The following UBE4B variants were observed in gnomAD, a reference collection of about 807,000 sequenced individuals.
The protein encoded by UBE4B is ubiquitination factor E4B, also known as ubiquitin conjugation factor E4 B.
UBE4B carries 27 observed loss-of-function variants against 148.1 expected under a neutral mutation model. The observed-to-expected ratio is 0.18, with a 90% CI of 0.13 to 0.25. The LOEUF is 0.25. Ranked by LOEUF, UBE4B falls within the 10% of genes least tolerant of loss-of-function variation. The pLI, the probability that UBE4B is intolerant of heterozygous loss-of-function variation, is 1.00. For synonymous variants in UBE4B, 596 were observed against 619.3 expected (o/e 0.96, Z 0.56); for missense variants, 1,170 against 1,662.4 (o/e 0.70, Z 5.15).
intron 23 of UBE4B, among the ~76,000 whole-genome samples, chr1:10,167,866 C>T (rs1026691674): frequency 6.6e-6 from 1 of 152,060 alleles, no homozygotes; most frequent in Non-Finnish European, 1.5e-5. Flanking sequence ...TGGGATTACA[C>T]GCGTGAGCCA....
Position 10,178,640 on chromosome 1 carries a change from G to T in UBE4B, c.3526-4G>T. 1 of 1,598,570 alleles carries T rather than the reference G, an allele frequency of 6.3e-7. No individual in the cohort carries two copies. Among genetic ancestry groups the T allele is most frequent in the South Asian group, 1.1e-5 (1 of 89,090 alleles). The stretch of plus-strand genomic sequence containing the variant: ...CGTCTCACATTGCCATTCCTCCTTT[G>T]CAGAGATCCTACAGTAAGGAATTGT... On this transcript the variant is annotated splice_region_variant and splice_polypyrimidine_tract_variant and intron_variant, in intron 25 of 27. Transcript: ENST00000343090.
At chr1:10,094,670 G>A (rs568946831) in intron 2 of UBE4B, among the ~76,000 whole-genome samples, 14 of 152,082 alleles carry the variant, frequency 9.2e-5, no homozygotes, top group Admixed American at 7.9e-4. Context: ...TCCTGACCTT[G>A]TGATTCACCC....
Position 10,134,955 on chromosome 1 carries a change from T to G in UBE4B, c.2026-33T>G, listed in dbSNP as rs765808591. On this transcript the variant is annotated intron_variant, in intron 15 of 27. Coordinates refer to ENST00000343090, the MANE Select transcript of UBE4B (RefSeq NM_001105562.3). ...ATCTCAAAAAAAATTTTTTTTAATG[T>G]TTAAAAATACTTTTTCTTTTCAACT... 9 of 1,601,974 alleles carry G rather than the reference T, an allele frequency of 5.6e-6. No homozygotes were observed. In the African/African-American group the frequency reaches 1.2e-4, roughly 22 times the overall value.
intron 20 of UBE4B, among the ~76,000 whole-genome samples, chr1:10,149,976 A>T (rs1203336575): frequency 6.6e-6 from 1 of 152,194 alleles, no homozygotes; most frequent in African/African-American, 2.4e-5. Context: ...GCATCTCTTT[A>T]AAAAATAAAT....
chr1:10,058,815 T>G (rs557475062), intron 1 of UBE4B: 2 of 152,436 alleles, frequency 1.3e-5, no homozygotes, highest in East Asian at 3.9e-4. Flanking sequence ...GCCGACCCCC[T>G]GGACAGTATT....
At chr1:10,143,248 A>G (rs1316454669) in intron 17 of UBE4B, among the ~76,000 whole-genome samples, 15 of 152,200 alleles carry the variant, frequency 9.9e-5, no homozygotes, top group Admixed American at 9.8e-4. Context: ...TACTAAAAAT[A>G]TAAGTTAGCC....
At chr1:10,072,755 G>T (rs758631499) in intron 2 of UBE4B, 1 of 358,422 alleles carries the variant, frequency 2.8e-6, no homozygotes, top group East Asian at 4.6e-5. Flanking sequence ...GACTGTCTTT[G>T]TTGGGAAATG....
intron 2 of UBE4B, among the ~76,000 whole-genome samples, chr1:10,088,431 C>T (rs539626049): frequency 1.9e-4 from 29 of 151,518 alleles, no homozygotes; most frequent in Admixed American, 1.8e-3. Context: ...CCCAGGCTGG[C>T]GTGCAGTGGC....
intron 26 of UBE4B, 66 bp from the exon 27 acceptor site, chr1:10,179,350 G>T (rs1646472847): frequency 1.3e-6 from 2 of 1,577,820 alleles, no homozygotes; most frequent in Non-Finnish European, 1.7e-6. Flanking sequence ...GGTAGAACGG[G>T]CTTTGTTTTC....
At chr1:10,156,234 CTTTTCTTTT>C (rs1166475119) in intron 21 of UBE4B, among the ~76,000 whole-genome samples, 3 of 132,326 alleles carry the variant, frequency 2.3e-5, no homozygotes, top group African/African-American at 9.7e-5. Context: ...GTTTCATTTT[CTTTTCTTTT>C]TTTTTTTTTT....
At chr1:10,036,082 CTTTTT>C (rs112866835) in intron 1 of UBE4B, among the ~76,000 whole-genome samples, 2 of 136,444 alleles carry the variant, frequency 1.5e-5, no homozygotes, top group Admixed American at 7.4e-5. Context: ...CTATAAATTA[CTTTTT>C]TTTTTTTTTT....
chr1:10,140,752 A>G (rs981950020), intron 17 of UBE4B, among the ~76,000 whole-genome samples: 2 of 152,190 alleles, frequency 1.3e-5, no homozygotes, highest in Non-Finnish European at 2.9e-5. Flanking sequence ...TTTAAGAAGT[A>G]TCTTCTAGGA....
intron 1 of UBE4B, among the ~76,000 whole-genome samples, chr1:10,061,138 G>A (rs1392307884): frequency 1.3e-5 from 2 of 152,096 alleles, no homozygotes; most frequent in African/African-American, 4.8e-5. Context: ...CAAACCTACG[G>A]CATACTTACT....
At chr1:10,049,309 G>T (rs538610643) in intron 1 of UBE4B, among the ~76,000 whole-genome samples, 1 of 152,146 alleles carries the variant, frequency 6.6e-6, no homozygotes, top group Non-Finnish European at 1.5e-5. Flanking sequence ...ACACAGGAAC[G>T]CAACCAGCTA....
chr1:10,151,633 C>T (rs1289698302), intron 21 of UBE4B, 72 bp downstream of exon 21: 11 of 1,354,232 alleles, frequency 8.1e-6, no homozygotes, highest in Non-Finnish European at 1.0e-5. Context: ...TAGTGGACGA[C>T]GTTGCTCTAA....
chr1:10,094,652 T>C (rs1241743847), intron 2 of UBE4B, among the ~76,000 whole-genome samples: 3 of 151,984 alleles, frequency 2.0e-5, no homozygotes, highest in Non-Finnish European at 4.4e-5. Context: ...GCCAGGATGG[T>C]CTCAATCTCC....
At chr1:10,179,090 A>G (rs1032137040) in intron 26 of UBE4B, 1 of 465,806 alleles carries the variant, frequency 2.1e-6, no homozygotes. Flanking sequence ...TCACATTTTC[A>G]AAGAATTCCC....
chr1:10,045,263 C>T (rs1401118107), intron 1 of UBE4B, among the ~76,000 whole-genome samples: 4 of 152,144 alleles, frequency 2.6e-5, no homozygotes, highest in African/African-American at 7.2e-5. Flanking sequence ...GGGACCCCCG[C>T]ATTAGGGAGC....
chr1:10,137,706 G>T (rs1274778118), intron 17 of UBE4B, among the ~76,000 whole-genome samples: 1 of 152,054 alleles, frequency 6.6e-6, no homozygotes, highest in African/African-American at 2.4e-5. Flanking sequence ...TTAGCACCAT[G>T]GTTGTGTTTC....
Sources: gnomAD v4.1 joint callset for allele counts (sites outside exome capture counted in the v4.1 genomes callset) on GRCh38, gnomAD v4.1.1 for gene constraint, MANE v1.5 for transcripts, NCBI Gene and HGNC (gene_info 2026-07-23, HGNC 2026-07-21) for gene names.